The following SPRR2G variants were observed in gnomAD, a reference collection of about 807,000 sequenced individuals.
SPRR2G encodes small proline-rich protein 2G.
Under a neutral mutation model 0.7 loss-of-function variants are expected in SPRR2G, and 1 was observed. The observed-to-expected ratio is 1.49, with a 90% confidence interval of 0.53 to 7.06. SPRR2G has a LOEUF of 7.06. Ranked by LOEUF, SPRR2G falls within the 30% of genes most tolerant of loss-of-function variation. The probability of loss-of-function intolerance (pLI) is 0.14; values close to 1 mark genes in which losing one functional copy is unlikely to be tolerated. For missense variants in SPRR2G, 96 were observed against 88.5 expected, an observed-to-expected ratio of 1.09 and a Z score of -0.34; for synonymous variants, 38 against 33.9, an observed-to-expected ratio of 1.12 and a Z score of -0.42.
chr1:153,202,915 A>G, the SPRR2G span, among the ~76,000 whole-genome samples: 1 of 152,210 alleles, frequency 6.6e-6, no homozygotes, highest in African/African-American at 2.4e-5. Flanking sequence ...AGGCCTTTAA[A>G]AAAGGCAAGG....
the SPRR2G span, among the ~76,000 whole-genome samples, chr1:153,197,886 C>A: frequency 6.6e-6 from 1 of 152,170 alleles, no homozygotes; most frequent in Non-Finnish European, 1.5e-5. Context: ...TCCTTATTGA[C>A]AAGAAGCATT....
chr1:153,199,262 A>G, the SPRR2G span, among the ~76,000 whole-genome samples: 1 of 152,204 alleles, frequency 6.6e-6, no homozygotes, highest in African/African-American at 2.4e-5. Flanking sequence ...ATCCTGTCCA[A>G]GAGGTGAAGA....
chr1:153,177,819 G>T, the SPRR2G span, among the ~76,000 whole-genome samples: 4 of 151,684 alleles, frequency 2.6e-5, no homozygotes, highest in African/African-American at 7.3e-5. Context: ...AACTTTTCTA[G>T]ATTCTTTGAA....
rs778238293 is a variant in SPRR2G at position 153,150,120 on chromosome 1, G to A, written c.-10C>T. On this transcript the variant is annotated 5_prime_UTR_variant, in exon 2 of 2. Coordinates refer to ENST00000368748, the MANE Select transcript of SPRR2G (RefSeq NM_001014291.4). ...GCTGCTGGTAAGACATCTCTCCTCA[G>A]TCTCAGAGAATCTGAAAGATACATA... The A allele has an allele frequency of 4.3e-6, 7 of 1,611,720 alleles. No homozygotes were observed. Among genetic ancestry groups the A allele is most frequent in the Non-Finnish European group, 5.9e-6 (7 of 1,179,850 alleles).
the SPRR2G span, among the ~76,000 whole-genome samples, chr1:153,156,013 G>A: frequency 6.6e-6 from 1 of 151,806 alleles, no homozygotes; most frequent in East Asian, 1.9e-4. Context: ...AGCACTTTGA[G>A]TAGTCAGACT....
the SPRR2G span, among the ~76,000 whole-genome samples, chr1:153,167,371 G>C: frequency 2.0e-5 from 3 of 152,164 alleles, no homozygotes; most frequent in African/African-American, 7.2e-5. Flanking sequence ...CTACTCGGGA[G>C]GCTGAAGCAG....
the SPRR2G span, among the ~76,000 whole-genome samples, chr1:153,162,780 G>T: frequency 6.6e-6 from 1 of 152,076 alleles, no homozygotes; most frequent in African/African-American, 2.4e-5. Flanking sequence ...CATTGCACTT[G>T]CCAATATATT....
At chr1:153,165,199 T>TGGATGGATGGAC in the SPRR2G span, among the ~76,000 whole-genome samples, 3 of 150,880 alleles carry the variant, frequency 2.0e-5, no homozygotes, top group African/African-American at 7.3e-5. Context: ...GATGGATGGA[T>TGGATGGATGGAC]GGACGGACGG....
At chr1:153,155,368 C>T (rs373151498), upstream of SPRR2G, among the ~76,000 whole-genome samples, 1 of 152,096 alleles carries the variant, frequency 6.6e-6, no homozygotes, top group African/African-American at 2.4e-5. Context: ...TTGACATTTT[C>T]GCCTCTACTA....
At chr1:153,157,150 G>T in the SPRR2G span, among the ~76,000 whole-genome samples, 1 of 152,110 alleles carries the variant, frequency 6.6e-6, no homozygotes, top group Non-Finnish European at 1.5e-5. Context: ...ATAAGTTGGG[G>T]ATTATCTGTA....
the SPRR2G span, among the ~76,000 whole-genome samples, chr1:153,184,613 T>G: frequency 6.6e-6 from 1 of 152,096 alleles, no homozygotes; most frequent in African/African-American, 2.4e-5. Flanking sequence ...GCTGAGAAAA[T>G]GGGGTTTTCT....
At chr1:153,193,236 C>T in the SPRR2G span, among the ~76,000 whole-genome samples, 1 of 152,088 alleles carries the variant, frequency 6.6e-6, no homozygotes, top group Admixed American at 6.6e-5. Context: ...GTGACAGCTC[C>T]CCAGGAGGTT....
chr1:153,169,463 G>C, the SPRR2G span, among the ~76,000 whole-genome samples: 2 of 151,764 alleles, frequency 1.3e-5, no homozygotes, highest in African/African-American at 4.8e-5. Flanking sequence ...CCACTCGGGA[G>C]ACTGAGGCAA....
chr1:153,183,105 G>T, the SPRR2G span, among the ~76,000 whole-genome samples: 2 of 142,362 alleles, frequency 1.4e-5, no homozygotes, highest in East Asian at 2.1e-4. Context: ...TTTCACTCTT[G>T]TTGCCCAGGC....
chr1:153,184,211 T>G, the SPRR2G span, among the ~76,000 whole-genome samples: 462 of 152,324 alleles, frequency 3.0e-3, 2 homozygotes, highest in African/African-American at 9.8e-3. Flanking sequence ...GGCTCTTTTT[T>G]GGTTCCACAT....
At chr1:153,194,853 G>A in the SPRR2G span, among the ~76,000 whole-genome samples, 1 of 152,176 alleles carries the variant, frequency 6.6e-6, no homozygotes, top group Admixed American at 6.5e-5. Flanking sequence ...GGCAACCATG[G>A]CTTTGATCAT....
chr1:153,151,034 A>G (rs2101648024), upstream of SPRR2G, among the ~76,000 whole-genome samples: 1 of 152,376 alleles, frequency 6.6e-6, no homozygotes, highest in South Asian at 2.1e-4. Flanking sequence ...TTCCTAGTCC[A>G]TGATCCTCCC....
chr1:153,195,870 C>T, the SPRR2G span, among the ~76,000 whole-genome samples: 6 of 152,154 alleles, frequency 3.9e-5, no homozygotes, highest in South Asian at 4.2e-4. Flanking sequence ...CCACAAGACC[C>T]CAACTCTCAT....
chr1:153,187,209 G>A, the SPRR2G span, among the ~76,000 whole-genome samples: 9 of 152,126 alleles, frequency 5.9e-5, no homozygotes, highest in Admixed American at 1.3e-4. Flanking sequence ...GAATCTTAGA[G>A]GTGTTCTCTG....
Sources: gnomAD v4.1 joint callset for allele counts (sites outside exome capture counted in the v4.1 genomes callset) on GRCh38, gnomAD v4.1.1 for gene constraint, MANE v1.5 for transcripts, NCBI Gene and HGNC (gene_info 2026-07-23, HGNC 2026-07-21) for gene names.